ZNF804B: variants seen among roughly 807,000 people sequenced by gnomAD.
ZNF804B encodes the protein zinc finger protein 804B.
A neutral mutation model predicts 101.4 loss-of-function variants in ZNF804B; 80 were observed. The ratio of observed to expected loss-of-function variants is 0.79; its 90% CI spans 0.66 to 0.95. ZNF804B has a LOEUF of 0.95. Ranked by LOEUF, ZNF804B falls within the 40% of genes least tolerant of loss-of-function variation. The pLI, the probability that ZNF804B is intolerant of heterozygous loss-of-function variation, is 0.00. For synonymous variants in ZNF804B, 622 were observed against 558.8 expected (o/e 1.11, Z -1.59); for missense variants, 1,673 against 1,561.9 (o/e 1.07, Z -1.20).
Position 89,334,103 on chromosome 7 carries a change from A to G in ZNF804B, c.1121A>G (p.Asn374Ser). ...NASFSPPNIY[N>S]HSDARISECL... ...TCCTTCAGCCCACCAAACATTTACA[A>G]CCATAGTGATGCCAGGATATCTGAA... Residue 374 changes from asparagine (N) to serine (S), a missense_variant, in exon 4 of 4, where the codon AAC (asparagine) becomes AGC (serine). Coordinates refer to ENST00000333190, the MANE Select transcript of ZNF804B (RefSeq NM_181646.5). 1 of 1,613,754 alleles carries G rather than the reference A, an allele frequency of 6.2e-7. No individual in the cohort carries two copies.
At chr7:89,210,278 A>G (rs1331016450) in intron 1 of ZNF804B, among the ~76,000 whole-genome samples, 1 of 152,190 alleles carries the variant, frequency 6.6e-6, no homozygotes. Flanking sequence ...TAAAAAAAAC[A>G]GAGATTAAAA....
At chr7:89,268,215 C>G (rs1009874914) in intron 2 of ZNF804B, among the ~76,000 whole-genome samples, 2 of 152,036 alleles carry the variant, frequency 1.3e-5, no homozygotes, top group Non-Finnish European at 2.9e-5. Context: ...TTCCAACTCC[C>G]TATCAACAGA....
At chr7:88,775,269 T>C (rs1790124537) in intron 1 of ZNF804B, among the ~76,000 whole-genome samples, 1 of 152,098 alleles carries the variant, frequency 6.6e-6, no homozygotes, top group African/African-American at 2.4e-5. Flanking sequence ...GAGGAGGAGC[T>C]ATTTTGGCAT....
chr7:89,104,214 C>T (rs1033738494), intron 1 of ZNF804B, among the ~76,000 whole-genome samples: 3 of 151,690 alleles, frequency 2.0e-5, no homozygotes, highest in Non-Finnish European at 2.9e-5. Context: ...TGTGTCCTTG[C>T]CTGATTTTAC....
chr7:89,322,199 G>A (rs1339578993), intron 2 of ZNF804B, among the ~76,000 whole-genome samples: 1 of 152,184 alleles, frequency 6.6e-6, no homozygotes, highest in Non-Finnish European at 1.5e-5. Context: ...AAGCAAAACT[G>A]TTAACCGCTT....
chr7:89,087,317 C>G (rs1789819555), intron 1 of ZNF804B, among the ~76,000 whole-genome samples: 1 of 149,378 alleles, frequency 6.7e-6, no homozygotes, highest in African/African-American at 2.5e-5. Flanking sequence ...CTAACCTCAA[C>G]TATCATATAT....
intron 1 of ZNF804B, among the ~76,000 whole-genome samples, chr7:89,147,802 A>C (rs1289078689): frequency 1.3e-5 from 2 of 151,576 alleles, no homozygotes; most frequent in East Asian, 3.9e-4. Context: ...CCTTATGAGA[A>C]TCTAATGTCT....
intron 1 of ZNF804B, among the ~76,000 whole-genome samples, chr7:89,119,957 T>A (rs1790374514): frequency 8.0e-6 from 1 of 125,678 alleles, no homozygotes; most frequent in Non-Finnish European, 1.6e-5. Context: ...AGCACCTTTT[T>A]TTATCTAAAT....
chr7:89,308,558 A>G (rs2373873), intron 2 of ZNF804B, among the ~76,000 whole-genome samples: 31,448 of 152,160 alleles, frequency 0.21, 3,392 homozygotes, highest in Middle Eastern at 0.43. Flanking sequence ...TTCTGCAAAT[A>G]TAATTACCTC....
At chr7:88,857,010 A>C (rs1791571004) in intron 1 of ZNF804B, among the ~76,000 whole-genome samples, 1 of 152,130 alleles carries the variant, frequency 6.6e-6, no homozygotes, top group African/African-American at 2.4e-5. Context: ...TCGGTTCGCC[A>C]GTATTTTATT....
chr7:89,314,919 T>C (rs1417893688), intron 2 of ZNF804B, among the ~76,000 whole-genome samples: 1 of 152,202 alleles, frequency 6.6e-6, no homozygotes, highest in East Asian at 1.9e-4. Context: ...CTCTAACCTG[T>C]TCACCAAGTT....
intron 1 of ZNF804B, among the ~76,000 whole-genome samples, chr7:89,029,709 A>T (rs1249548645): frequency 1.3e-5 from 2 of 152,132 alleles, no homozygotes; most frequent in Admixed American, 6.6e-5. Flanking sequence ...TGACCTTTTG[A>T]TTACCAGACT....
intron 2 of ZNF804B, among the ~76,000 whole-genome samples, chr7:89,284,653 T>G (rs1790153587): frequency 6.6e-6 from 1 of 152,170 alleles, no homozygotes; most frequent in Non-Finnish European, 1.5e-5. Flanking sequence ...GTGCAACTTT[T>G]ATGTGGGGGC....
chr7:88,978,008 A>C (rs572875180), intron 1 of ZNF804B, among the ~76,000 whole-genome samples: 1 of 151,720 alleles, frequency 6.6e-6, no homozygotes, highest in East Asian at 2.0e-4. Context: ...TCAGGAACAT[A>C]TTGTTTAATT....
intron 1 of ZNF804B, among the ~76,000 whole-genome samples, chr7:88,788,186 G>A (rs1362219363): frequency 6.6e-6 from 1 of 152,064 alleles, no homozygotes; most frequent in Admixed American, 6.6e-5. Flanking sequence ...CCTGCATGAG[G>A]ACTGGAGGCC....
At chr7:89,148,331 A>G (rs1265038630) in intron 1 of ZNF804B, among the ~76,000 whole-genome samples, 1 of 152,102 alleles carries the variant, frequency 6.6e-6, no homozygotes, top group Non-Finnish European at 1.5e-5. Context: ...CATATTAGTT[A>G]CTAGTGAAAG....
intron 1 of ZNF804B, among the ~76,000 whole-genome samples, chr7:88,934,419 A>C (rs563993104): frequency 6.6e-6 from 1 of 152,066 alleles, no homozygotes; most frequent in African/African-American, 2.4e-5. Context: ...AAAATGAAAA[A>C]CTTTCTGCAC....
At chr7:89,129,703 A>C (rs1353014452) in intron 1 of ZNF804B, among the ~76,000 whole-genome samples, 4 of 152,002 alleles carry the variant, frequency 2.6e-5, no homozygotes, top group African/African-American at 9.7e-5. Context: ...CACAAATTAG[A>C]ATGTTAGGCA....
At chr7:89,178,329 G>T (rs562733720) in intron 1 of ZNF804B, among the ~76,000 whole-genome samples, 9 of 151,226 alleles carry the variant, frequency 6.0e-5, no homozygotes, top group African/African-American at 1.9e-4. Context: ...TGGTTTTGTG[G>T]TTTCTTTTCC....
Sources: gnomAD v4.1 joint callset for allele counts (sites outside exome capture counted in the v4.1 genomes callset) on GRCh38, gnomAD v4.1.1 for gene constraint, MANE v1.5 for transcripts, NCBI Gene and HGNC (gene_info 2026-07-23, HGNC 2026-07-21) for gene names.